The following CYP19A1 variants were observed in gnomAD, a reference collection of about 807,000 sequenced individuals.
The protein encoded by CYP19A1 is aromatase.
CYP19A1 carries 32 observed loss-of-function variants against 44.4 expected under a neutral mutation model. That is an observed-to-expected ratio of 0.72 (90% CI 0.54 to 0.97). The LOEUF (loss-of-function observed/expected upper bound fraction) is 0.97, where lower values mean the gene tolerates loss of function less well. Ranked by LOEUF, CYP19A1 falls within the 50% of genes least tolerant of loss-of-function variation. The pLI is 0.00. For synonymous variants in CYP19A1, 212 were observed against 215.6 expected (o/e 0.98, Z 0.14); for missense variants, 598 against 637.8 (o/e 0.94, Z 0.67).
chr15:51,294,272 G>C lies in CYP19A1; in HGVS notation c.-39+44223C>G, dbSNP rs533995485. On this transcript the variant is annotated intron_variant, in intron 1 of 9. Transcript: ENST00000396402. ...CCATCCCATCTAGGAAGTGAGGAGC[G>C]TCTCTGCCCGGCCGCCCATCGTCTG... Among the ~76,000 whole-genome samples, 1,222 of 140,232 alleles carry C rather than the reference G, an allele frequency of 8.7e-3. 130 individuals are homozygous for C. Among genetic ancestry groups the C allele is most frequent in the African/African-American group, 0.035 (1,175 of 33,428 alleles). The allele number at this position is 140,232 out of a possible 152,430, so 92.0% of individuals were successfully genotyped here. A position where few individuals can be genotyped will look rare whatever the true frequency, so the allele number is the denominator to read the frequency against.
intron 1 of CYP19A1, among the ~76,000 whole-genome samples, chr15:51,325,946 G>C (rs111820577): frequency 6.6e-6 from 1 of 150,972 alleles, no homozygotes; most frequent in African/African-American, 2.4e-5. Context: ...TTACATTAGC[G>C]TACAATTAGG....
rs900661695 is a variant in CYP19A1 at position 51,208,618 on chromosome 15, A to T, written c.*2190T>A. On this transcript the variant is annotated 3_prime_UTR_variant, in exon 10 of 10. Transcript: ENST00000396402. ...TCCAAGGCCAAGCCTCTACAAATATATGGGGTTTGTCTATACAGGCTAAGC... is the reference window on the plus strand; with the variant it reads ...TCCAAGGCCAAGCCTCTACAAATATTTGGGGTTTGTCTATACAGGCTAAGC... 6.6e-6 allele frequency: 1 copy of T among 152,000 alleles called. No individual in the cohort carries two copies. Among genetic ancestry groups the T allele is most frequent in the Non-Finnish European group, 1.5e-5 (1 of 67,968 alleles). The allele number at this position is 152,000 out of a possible 1,614,324, so 9.4% of individuals were successfully genotyped here.
At chr15:51,279,021 A>C (rs1358564313) in intron 1 of CYP19A1, 4 of 152,146 alleles carry the variant, frequency 2.6e-5, no homozygotes, top group African/African-American at 9.7e-5. Context: ...TTGGAGGCAA[A>C]ATAAAGCTGG....
intron 3 of CYP19A1, among the ~76,000 whole-genome samples, chr15:51,228,899 A>G (rs1183284965): frequency 6.6e-6 from 1 of 152,206 alleles, no homozygotes; most frequent in Non-Finnish European, 1.5e-5. Flanking sequence ...TTCAGAACAA[A>G]TAACCCTCAA....
rs1217078313 is a variant in CYP19A1 at position 51,212,560 on chromosome 15, AC to A, written c.1022del (p.Gly341ValfsTer5). The stretch of plus-strand genomic sequence containing the variant: ...TATCATCAATCTTTATGTCTCTCTC[AC>A]CTGTGGAAACAGATAAAAGGAACAA... ...AIIKEIQTVI[G>X]ERDIKIDDIQ... On this transcript the variant is annotated frameshift_variant and splice_region_variant, in exon 9 of 10. Transcript: ENST00000396402. LOFTEE classifies it high-confidence loss of function. The A allele has an allele frequency of 1.4e-6, 2 of 1,464,358 alleles. No individual in the cohort carries two copies. Among genetic ancestry groups the A allele is most frequent in the South Asian group, 1.1e-5 (1 of 88,032 alleles). 90.7% of individuals were successfully genotyped at this position (1,464,358 alleles called of 1,614,324 possible). A position where few individuals can be genotyped will look rare whatever the true frequency, so the allele number is the denominator to read the frequency against.
At chr15:51,306,597 A>G (rs1387894729) in intron 1 of CYP19A1, among the ~76,000 whole-genome samples, 1 of 152,190 alleles carries the variant, frequency 6.6e-6, no homozygotes, top group Non-Finnish European at 1.5e-5. Flanking sequence ...CACTGGAAAC[A>G]TTTTTAATGA....
chr15:51,227,103 C>T (rs2032646032), intron 4 of CYP19A1, among the ~76,000 whole-genome samples: 1 of 152,088 alleles, frequency 6.6e-6, no homozygotes, highest in South Asian at 2.1e-4. Flanking sequence ...AGCTACATCT[C>T]TTCTTTTGCC....
intron 3 of CYP19A1, among the ~76,000 whole-genome samples, chr15:51,234,820 G>A (rs998506348): frequency 1.3e-5 from 2 of 152,190 alleles, no homozygotes; most frequent in African/African-American, 4.8e-5. Flanking sequence ...AAAAGTGGGG[G>A]TGTGGCCTGG....
intron 1 of CYP19A1, among the ~76,000 whole-genome samples, chr15:51,248,904 C>T (rs1196889079): frequency 1.3e-5 from 2 of 151,844 alleles, no homozygotes; most frequent in African/African-American, 2.4e-5. Flanking sequence ...TTCTTTGCTT[C>T]CAGTTGTCTA....
chr15:51,311,190 T>A lies in CYP19A1; in HGVS notation c.-39+27305A>T, dbSNP rs148947659. ...ACTGGAAAAAAAAAACTCCGAAGCATCTATTATAATCATCCTGCGTGACAT... is the reference window on the plus strand; with the variant it reads ...ACTGGAAAAAAAAAACTCCGAAGCAACTATTATAATCATCCTGCGTGACAT... On this transcript the variant is annotated intron_variant, in intron 1 of 9. Coordinates refer to ENST00000396402, the MANE Select transcript of CYP19A1 (RefSeq NM_000103.4). Among the ~76,000 whole-genome samples the A allele has an allele frequency of 3.7e-3, 556 of 152,036 alleles. 3 individuals are homozygous for A. The highest frequency in any genetic ancestry group is 5.6e-3 in the Non-Finnish European group (383 of 67,956).
At chr15:51,257,071 AG>A (rs1566898449) in intron 1 of CYP19A1, among the ~76,000 whole-genome samples, 1 of 152,222 alleles carries the variant, frequency 6.6e-6, no homozygotes, top group African/African-American at 2.4e-5. Context: ...GTGAGTGGCA[AG>A]GGTGCTTTAG....
chr15:51,271,603 A>C (rs1595743271), intron 1 of CYP19A1, among the ~76,000 whole-genome samples: 1 of 152,114 alleles, frequency 6.6e-6, no homozygotes, highest in African/African-American at 2.4e-5. Flanking sequence ...TAAGCCTTAG[A>C]CTTCTCTTTA....
chr15:51,218,078 T>C (rs969075867), intron 6 of CYP19A1, among the ~76,000 whole-genome samples: 1 of 152,242 alleles, frequency 6.6e-6, no homozygotes, highest in African/African-American at 2.4e-5. Context: ...TTGAAGTTAA[T>C]TGTACTCATT....
At chr15:51,306,834 C>T (rs773932992) in intron 1 of CYP19A1, among the ~76,000 whole-genome samples, 1 of 152,182 alleles carries the variant, frequency 6.6e-6, no homozygotes, top group Non-Finnish European at 1.5e-5. Context: ...ATCTAGAGTC[C>T]AGGCAACCAG....
At position 51,229,389 on chromosome 15, in the gene CYP19A1, C is replaced by CA. The variant is rs202007253; in HGVS notation, c.297-1457dup. ...TAGGTGACAGAGCAAGATCCTATCT[C>CA]AAAAAAAAAAAAAAAAGCAGAGTTA... On this transcript the variant is annotated intron_variant, in intron 3 of 9. Transcript: ENST00000396402. Among the ~76,000 whole-genome samples, 707 of 96,416 alleles carry CA rather than the reference C, an allele frequency of 7.3e-3. 7 individuals are homozygous for CA. Among genetic ancestry groups the CA allele is most frequent in the South Asian group, 0.033 (104 of 3,108 alleles). The allele number at this position is 96,416 out of a possible 152,430, so 63.3% of individuals were successfully genotyped here. A position where few individuals can be genotyped will look rare whatever the true frequency, so the allele number is the denominator to read the frequency against.
At chr15:51,225,488 A>G (rs1290873737) in intron 4 of CYP19A1, among the ~76,000 whole-genome samples, 1 of 152,226 alleles carries the variant, frequency 6.6e-6, no homozygotes, top group Non-Finnish European at 1.5e-5. Flanking sequence ...GGATAGGGGA[A>G]CTGAAGCTCA....
At chr15:51,290,467 A>C (rs1015934378) in intron 1 of CYP19A1, among the ~76,000 whole-genome samples, 5 of 152,238 alleles carry the variant, frequency 3.3e-5, no homozygotes, top group Admixed American at 6.5e-5. Context: ...AACTGGCTAC[A>C]CATCCTGTTC....
At chr15:51,321,870 A>G (rs2036533603) in intron 1 of CYP19A1, 11 of 152,180 alleles carry the variant, frequency 7.2e-5, no homozygotes. Flanking sequence ...CTGGGCCCTC[A>G]TCGAAAGGGA....
chr15:51,267,157 C>T lies in CYP19A1; in HGVS notation c.-38-24207G>A, dbSNP rs545331456. The stretch of plus-strand genomic sequence containing the variant: ...TCACTCCCAAGCAGGGCGAATCGAG[C>T]CAGATTTTTGTTGGACGCTTTCAGG... On this transcript the variant is annotated intron_variant, in intron 1 of 9. Transcript: ENST00000396402. Among the ~76,000 whole-genome samples the T allele has an allele frequency of 2.0e-5, 3 of 152,234 alleles. No individual in the cohort carries two copies. In the East Asian group the frequency reaches 5.8e-4, roughly 30 times the overall value.
Sources: allele counts gnomAD v4.1 joint callset (sites outside exome capture counted in the v4.1 genomes callset), GRCh38; gene constraint gnomAD v4.1.1; transcripts MANE v1.5; gene names NCBI Gene and HGNC (gene_info 2026-07-23, HGNC 2026-07-21).